GRAMD4: variants seen among roughly 807,000 people sequenced by gnomAD.
GRAMD4 encodes GRAM domain-containing protein 4.
Under a neutral mutation model 83.9 loss-of-function variants are expected in GRAMD4, and 25 were observed. The ratio of observed to expected loss-of-function variants is 0.30; its 90% CI spans 0.22 to 0.42. The LOEUF (loss-of-function observed/expected upper bound fraction) is 0.42, where lower values mean the gene tolerates loss of function less well. Among genes scored for constraint, GRAMD4 ranks in the 10% least tolerant of loss-of-function variants. The probability of loss-of-function intolerance (pLI) is 1.00; values close to 1 mark genes in which losing one functional copy is unlikely to be tolerated. For missense variants in GRAMD4, 593 were observed against 788.7 expected (o/e 0.75, Z 2.97); for synonymous variants, 336 against 320.9 (o/e 1.05, Z -0.50).
chr22:46,663,386 G>A (rs2082359826), intron 6 of GRAMD4, among the ~76,000 whole-genome samples: 1 of 152,256 alleles, frequency 6.6e-6, no homozygotes, highest in African/African-American at 2.4e-5. Context: ...CTGCATGCGC[G>A]CACTGCTCTC....
At chr22:46,588,893 C>T (rs1406788677) in intron 1 of GRAMD4, among the ~76,000 whole-genome samples, 1 of 152,130 alleles carries the variant, frequency 6.6e-6, no homozygotes, top group Non-Finnish European at 1.5e-5. Context: ...GGGCTGGTGA[C>T]CCAGCCTCTG....
intron 2 of GRAMD4, among the ~76,000 whole-genome samples, chr22:46,637,393 C>T (rs1308453316): frequency 6.6e-6 from 1 of 152,050 alleles, no homozygotes; most frequent in Non-Finnish European, 1.5e-5. Flanking sequence ...GCTGGGACTA[C>T]AGGTGCCCGC....
chr22:46,673,657 T>G lies in GRAMD4; in HGVS notation c.1240-13T>G, dbSNP rs1374862694. The G allele has an allele frequency of 1.2e-6, 2 of 1,608,454 alleles. No homozygotes were observed. The highest frequency in any genetic ancestry group is 1.7e-6 in the Non-Finnish European group (2 of 1,176,540). On this transcript the variant is annotated splice_polypyrimidine_tract_variant and intron_variant, in intron 14 of 18. Transcript: ENST00000406902. ...GCAGCGGGCCTGACCTCGACGCTGT[T>G]TGCCGTTGGCAGCTGCAGACGACCT...
chr22:46,665,597 C>T lies in GRAMD4; in HGVS notation c.718-18C>T, dbSNP rs746071620. 2 of 1,419,774 alleles carry T rather than the reference C, an allele frequency of 1.4e-6. No homozygotes were observed. Among genetic ancestry groups the T allele is most frequent in the South Asian group, 2.3e-5 (2 of 86,626 alleles). The allele number at this position is 1,419,774 out of a possible 1,614,324, so 87.9% of individuals were successfully genotyped here. A position where few individuals can be genotyped will look rare whatever the true frequency, so the allele number is the denominator to read the frequency against. ...TCCAAGCTGTCAGGAGGTCTGACGCCCTGTCTCTCACCCGCAGGTGTACAT... is the reference window on the plus strand; with the variant it reads ...TCCAAGCTGTCAGGAGGTCTGACGCTCTGTCTCTCACCCGCAGGTGTACAT... On this transcript the variant is annotated intron_variant, in intron 8 of 18. Coordinates refer to ENST00000406902, the MANE Select transcript of GRAMD4 (RefSeq NM_015124.5).
intron 3 of GRAMD4, 99 bp from the exon 4 acceptor site, chr22:46,658,088 C>T (rs1006152457): frequency 4.3e-6 from 6 of 1,407,226 alleles, no homozygotes; most frequent in Non-Finnish European, 6.0e-6. Context: ...AGCAGAGACC[C>T]CTCTGCTGTT....
At chr22:46,628,460 TG>T (rs2081707321) in intron 2 of GRAMD4, among the ~76,000 whole-genome samples, 1 of 97,550 alleles carries the variant, frequency 1.0e-5, no homozygotes, top group South Asian at 3.9e-4. Flanking sequence ...GTGTGTGCGT[TG>T]GTGTCTGAGG....
intron 1 of GRAMD4, among the ~76,000 whole-genome samples, chr22:46,604,666 C>A (rs1000830884): frequency 3.0e-4 from 45 of 152,266 alleles, no homozygotes; most frequent in African/African-American, 9.2e-4. Context: ...TGACTTCCTC[C>A]TTTCACAAAG....
chr22:46,610,472 G>A (rs1352477341), intron 1 of GRAMD4, among the ~76,000 whole-genome samples: 2 of 152,244 alleles, frequency 1.3e-5, no homozygotes, highest in African/African-American at 2.4e-5. Context: ...CAGCAGAGTT[G>A]GGAAGTTGTA....
At chr22:46,607,673 G>A (rs1425256251) in intron 1 of GRAMD4, among the ~76,000 whole-genome samples, 2 of 152,196 alleles carry the variant, frequency 1.3e-5, no homozygotes, top group East Asian at 1.9e-4. Context: ...GCCTGGCCAC[G>A]GTTTCCTAAC....
chr22:46,643,084 TATCCATCCATCCATCCATCC>T (rs61391783), intron 3 of GRAMD4, among the ~76,000 whole-genome samples: 1 of 76,322 alleles, frequency 1.3e-5, no homozygotes, highest in African/African-American at 6.6e-5. Flanking sequence ...TCTATCCATT[TATCCATCCATCCATCCATCC>T]ATCCATCCAT....
downstream of GRAMD4, among the ~76,000 whole-genome samples, chr22:46,680,543 T>TGTCCGTCC (rs531762294): frequency 2.3e-3 from 164 of 70,568 alleles, 3 homozygotes; most frequent in African/African-American, 7.3e-3. Context: ...CATCCACATC[T>TGTCCGTCC]GTCCGTCCGT....
intron 2 of GRAMD4, 63 bp downstream of exon 2, chr22:46,627,024 G>C (rs2081673667): frequency 7.5e-6 from 9 of 1,193,176 alleles, no homozygotes; most frequent in Non-Finnish European, 8.7e-6. Context: ...CTGTGGCCGG[G>C]CCAAGCGTGG....
At chr22:46,578,837 C>T (rs1280920531) in intron 1 of GRAMD4, among the ~76,000 whole-genome samples, 2 of 152,266 alleles carry the variant, frequency 1.3e-5, no homozygotes, top group African/African-American at 4.8e-5. Context: ...CCTTGGCAGC[C>T]ATGTGGACCC....
At chr22:46,673,899 G>C (rs560922768) in intron 15 of GRAMD4, 85 bp downstream of exon 15, 39 of 1,470,166 alleles carry the variant, frequency 2.7e-5, no homozygotes, top group African/African-American at 1.5e-4. Flanking sequence ...TGCAGGACGG[G>C]GTCGCCCTGT....
chr22:46,591,748 G>C (rs1032894458), intron 1 of GRAMD4, among the ~76,000 whole-genome samples: 1 of 142,570 alleles, frequency 7.0e-6, no homozygotes, highest in Non-Finnish European at 1.5e-5. Context: ...CACGAGAATC[G>C]TTTGAACTCG....
At chr22:46,576,384 G>T (rs184860219), upstream of GRAMD4, among the ~76,000 whole-genome samples, 857 of 141,632 alleles carry the variant, frequency 6.1e-3, 2 homozygotes, top group Admixed American at 0.015. Flanking sequence ...GTGGTGGGTG[G>T]TTTTTCTAGA....
chr22:46,619,140 G>A (rs150451881), upstream of GRAMD4, among the ~76,000 whole-genome samples: 1 of 152,332 alleles, frequency 6.6e-6, no homozygotes, highest in African/African-American at 2.4e-5. Context: ...CATGTCATCA[G>A]TTGTGAGCCG....
At chr22:46,654,076 C>T (rs1355078327) in intron 3 of GRAMD4, among the ~76,000 whole-genome samples, 2 of 152,168 alleles carry the variant, frequency 1.3e-5, no homozygotes, top group African/African-American at 4.8e-5. Flanking sequence ...CTTCGCTTAT[C>T]CAGTGAGCCT....
intron 2 of GRAMD4, among the ~76,000 whole-genome samples, chr22:46,627,996 T>C (rs1049671859): frequency 2.6e-5 from 4 of 152,190 alleles, no homozygotes; most frequent in Non-Finnish European, 5.9e-5. Flanking sequence ...GTGCAGGTTA[T>C]GTGGCAGAAC....
Sources: gnomAD v4.1 joint callset for allele counts (sites outside exome capture counted in the v4.1 genomes callset) on GRCh38, gnomAD v4.1.1 for gene constraint, MANE v1.5 for transcripts, NCBI Gene and HGNC (gene_info 2026-07-23, HGNC 2026-07-21) for gene names.